The following KIF26B variants were observed in gnomAD, a reference collection of about 807,000 sequenced individuals.
KIF26B encodes the protein kinesin-like protein KIF26B.
KIF26B carries 63 observed loss-of-function variants against 151.2 expected under a neutral mutation model. The ratio of observed to expected loss-of-function variants is 0.42; its 90% CI spans 0.34 to 0.51. The LOEUF is 0.51. Ranked by LOEUF, KIF26B falls within the 20% of genes least tolerant of loss-of-function variation. The probability of loss-of-function intolerance (pLI) is 0.07; values close to 1 mark genes in which losing one functional copy is unlikely to be tolerated. For missense variants in KIF26B, 2,813 were observed against 2,913.6 expected (o/e 0.97, Z 0.79); for synonymous variants, 1,357 against 1,262.1 (o/e 1.08, Z -1.59).
rs1399586606 is a variant in KIF26B at position 245,166,729 on chromosome 1, A to G, written c.465+10046A>G. ...ATCTGTCTCAGACGGTTTTCTTTGCAGTTGTACTTTGCTGATCCTATCACA... is the reference window on the plus strand; with the variant it reads ...ATCTGTCTCAGACGGTTTTCTTTGCGGTTGTACTTTGCTGATCCTATCACA... On this transcript the variant is annotated intron_variant, in intron 2 of 14. Coordinates refer to ENST00000407071, the MANE Select transcript of KIF26B (RefSeq NM_018012.4). This position sits in a 1 kb window ranked among gnomAD's most constrained non-coding sequence, Gnocchi z 4.5. 6.6e-6 allele frequency among the ~76,000 whole-genome samples: 1 copy of G among 152,152 alleles called. No individual in the cohort carries two copies. Among genetic ancestry groups the G allele is most frequent in the Non-Finnish European group, 1.5e-5 (1 of 68,034 alleles).
intron 10 of KIF26B, among the ~76,000 whole-genome samples, chr1:245,649,181 A>G (rs1000228655): frequency 6.6e-6 from 1 of 152,206 alleles, no homozygotes; most frequent in Non-Finnish European, 1.5e-5. Context: ...CACGGCCTAG[A>G]TTCAATATTT....
At chr1:245,605,454 C>T (rs1024132963) in intron 6 of KIF26B, among the ~76,000 whole-genome samples, 4 of 152,182 alleles carry the variant, frequency 2.6e-5, no homozygotes, top group Non-Finnish European at 4.4e-5. Context: ...GCTTTCTCTT[C>T]GTTTCTAAGG....
At chr1:245,500,823 T>G (rs1228096368) in intron 4 of KIF26B, among the ~76,000 whole-genome samples, 2 of 152,234 alleles carry the variant, frequency 1.3e-5, no homozygotes, top group Non-Finnish European at 2.9e-5. Flanking sequence ...TTGATTTGTA[T>G]CTTACGCAAG....
intron 3 of KIF26B, among the ~76,000 whole-genome samples, chr1:245,402,959 T>G (rs1205822103): frequency 6.6e-6 from 1 of 152,172 alleles, no homozygotes; most frequent in Admixed American, 6.5e-5. Flanking sequence ...TCTAGACAGC[T>G]GGCTTGTTGT....
At chr1:245,695,612 T>C (rs919144113) in intron 12 of KIF26B, among the ~76,000 whole-genome samples, 2 of 152,194 alleles carry the variant, frequency 1.3e-5, no homozygotes, top group Non-Finnish European at 2.9e-5. Context: ...TCACTTCACC[T>C]TGAGAGGGAT....
intron 5 of KIF26B, among the ~76,000 whole-genome samples, chr1:245,594,779 A>G (rs2043323296): frequency 6.6e-6 from 1 of 152,122 alleles, no homozygotes; most frequent in African/African-American, 2.4e-5. Flanking sequence ...TATTCACGAT[A>G]TTGTTTCTTC....
rs2044788984 is a variant in KIF26B, at chr1:245,702,699, CAATG to C, written c.*99_*102del. The C allele has an allele frequency of 2.5e-5, 34 of 1,379,202 alleles. No homozygotes were observed. In the South Asian group the frequency reaches 4.9e-4, roughly 20 times the overall value. The allele number at this position is 1,379,202 out of a possible 1,614,324, so 85.4% of individuals were successfully genotyped here. A position where few individuals can be genotyped will look rare whatever the true frequency, so the allele number is the denominator to read the frequency against. On this transcript the variant is annotated 3_prime_UTR_variant, in exon 15 of 15. Transcript: ENST00000407071. The surrounding 1 kb of genome is among the most constrained non-coding windows in gnomAD (Gnocchi z 4.1). ...GCCCTCTGTGCTGGGGCATCAAAGA[CAATG>C]AATGAGGATGAAGGTTGGTGGCAAG... is the stretch of plus-strand genomic sequence containing the variant.
intron 5 of KIF26B, among the ~76,000 whole-genome samples, chr1:245,561,585 T>G (rs753429056): frequency 1.3e-5 from 2 of 152,218 alleles, no homozygotes; most frequent in African/African-American, 2.4e-5. Context: ...ACGTAATACA[T>G]TCACATACAT....
Position 245,200,212 on chromosome 1 carries a change from A to G in KIF26B, c.465+43529A>G, listed in dbSNP as rs73127107. On this transcript the variant is annotated intron_variant, in intron 2 of 14. Transcript: ENST00000407071. ...TCTCTCCTAAATCTCGTTTTCACAG[A>G]TGCTCAGCAAAGGATGTAGGGCGAC... Among the ~76,000 whole-genome samples the G allele has an allele frequency of 5.7e-3, 861 of 152,304 alleles. 6 individuals carry two copies. The highest frequency in any genetic ancestry group is 0.02 in the African/African-American group (818 of 41,548).
intron 2 of KIF26B, among the ~76,000 whole-genome samples, chr1:245,333,566 T>A (rs1437176562): frequency 6.6e-6 from 1 of 152,208 alleles, no homozygotes; most frequent in Non-Finnish European, 1.5e-5. Context: ...CTTAATGCCA[T>A]GGAACTGTAC....
chr1:245,309,439 G>A (rs1671622460), intron 2 of KIF26B, among the ~76,000 whole-genome samples: 1 of 151,988 alleles, frequency 6.6e-6, no homozygotes, highest in South Asian at 2.1e-4. Context: ...TGGGACTCCA[G>A]CTGAAACATC....
At chr1:245,586,008 T>A (rs934646993) in intron 5 of KIF26B, among the ~76,000 whole-genome samples, 2 of 151,644 alleles carry the variant, frequency 1.3e-5, no homozygotes, top group Non-Finnish European at 2.9e-5. Context: ...TTTTTAATGT[T>A]TTTAGAGACA....
chr1:245,195,454 T>G (rs1669174190), intron 2 of KIF26B, among the ~76,000 whole-genome samples: 1 of 152,146 alleles, frequency 6.6e-6, no homozygotes, highest in Non-Finnish European at 1.5e-5. Flanking sequence ...TGGATTATGG[T>G]CTTTGAACTA....
chr1:245,261,046 T>TTC (rs759138883), intron 2 of KIF26B, among the ~76,000 whole-genome samples: 18 of 150,416 alleles, frequency 1.2e-4, no homozygotes, highest in East Asian at 9.8e-4. Context: ...TTTCTTTTCT[T>TTC]TCTCTCTCTC....
chr1:245,462,948 G>C (rs1266546169), intron 4 of KIF26B, among the ~76,000 whole-genome samples: 2 of 152,186 alleles, frequency 1.3e-5, no homozygotes, highest in African/African-American at 4.8e-5. Flanking sequence ...TTTGTGCTCA[G>C]GTTGTGGAGA....
At chr1:245,249,762 C>T (rs1022199182) in intron 2 of KIF26B, among the ~76,000 whole-genome samples, 6 of 152,078 alleles carry the variant, frequency 3.9e-5, no homozygotes, top group African/African-American at 9.7e-5. Flanking sequence ...GGATTACAGG[C>T]GTGAGCCACT....
At chr1:245,672,242 G>C (rs2044296750) in intron 10 of KIF26B, among the ~76,000 whole-genome samples, 1 of 152,156 alleles carries the variant, frequency 6.6e-6, no homozygotes, top group African/African-American at 2.4e-5. Flanking sequence ...CCCCAACTGA[G>C]TGCTGGAAAG....
chr1:245,671,585 C>T (rs1323999492), intron 10 of KIF26B, among the ~76,000 whole-genome samples: 1 of 152,140 alleles, frequency 6.6e-6, no homozygotes, highest in Non-Finnish European at 1.5e-5. Context: ...GGGCGCAATG[C>T]CACTAAACTG....
At chr1:245,662,571 C>CCTA (rs147252276) in intron 10 of KIF26B, among the ~76,000 whole-genome samples, 33,206 of 81,380 alleles carry the variant, frequency 0.41, 6,867 homozygotes, top group Non-Finnish European at 0.44. Context: ...TACACACACC[C>CCTA]TATATATATA....
Sources: gnomAD v4.1 joint callset for allele counts (sites outside exome capture counted in the v4.1 genomes callset) on GRCh38, gnomAD v4.1.1 for gene constraint, Gnocchi (gnomAD v3.1) non-coding constraint, MANE v1.5 for transcripts, NCBI Gene and HGNC (gene_info 2026-07-23, HGNC 2026-07-21) for gene names.